Variants in BTK observed in about 807,000 individuals in gnomAD.
BTK encodes tyrosine-protein kinase BTK.
A neutral mutation model predicts 57.4 loss-of-function variants in BTK; 5 were observed. That is an observed-to-expected ratio of 0.09 (90% CI 0.05 to 0.18). The LOEUF (loss-of-function observed/expected upper bound fraction) is 0.18, where lower values mean the gene tolerates loss of function less well. BTK is among the 10% of genes least tolerant of loss of function. The pLI is 1.00. For missense variants in BTK, 194 were observed against 501.2 expected (o/e 0.39, Z 5.85); for synonymous variants, 154 against 174.3 (o/e 0.88, Z 0.92).
intron 17 of BTK, 94 bp from the exon 18 acceptor site, chrX:101,353,445 G>T: frequency 1.1e-6 from 1 of 940,338 alleles, no homozygotes. Context: ...ATTAGAATCA[G>T]TTGGTTCCCC....
Position 101,358,501 on chromosome X carries a change from G to A in BTK, c.975-64C>T. ...AGGTCAACAGAACCCAGGAAGTGAA[G>A]TGAGATGAGTTTTGAGTTTCAGAGA... On this transcript the variant is annotated intron_variant, in intron 11 of 18. Transcript: ENST00000308731. 2.5e-6 allele frequency: 3 copies of A among 1,200,239 alleles called. No individual in the cohort carries two copies. The South Asian group carries it at 5.3e-5, about 21-fold the overall frequency.
At chrX:101,362,719 T>C (rs1406871698) in intron 5 of BTK, 30 bp from the exon 6 acceptor site, 1 of 1,211,040 alleles carries the variant, frequency 8.3e-7, no homozygotes, top group Non-Finnish European at 1.1e-6. Flanking sequence ...AGAGATCACA[T>C]CTGACATGGA....
chrX:101,352,162 CAAA>C (rs35710840), intron 18 of BTK, among the ~76,000 whole-genome samples: 2 of 53,668 alleles, frequency 3.7e-5, no homozygotes, highest in Non-Finnish European at 3.8e-5. Context: ...GACTCGGTCT[CAAA>C]AAAAAAAAAA....
intron 5 of BTK, among the ~76,000 whole-genome samples, chrX:101,366,089 T>C (rs1296930308): frequency 5.4e-5 from 6 of 111,599 alleles, no homozygotes; most frequent in Admixed American, 1.9e-4. Context: ...CTGGCTAACA[T>C]GGTGAAATCC....
chrX:101,381,001 G>C (rs1405056418), intron 1 of BTK, among the ~76,000 whole-genome samples: 2 of 92,788 alleles, frequency 2.2e-5, no homozygotes, highest in Admixed American at 2.4e-4. Context: ...AGTGAAACTC[G>C]GTCGCGAAAA....
intron 14 of BTK, 88 bp downstream of exon 14, chrX:101,356,696 T>A: frequency 9.2e-7 from 1 of 1,091,805 alleles, no homozygotes; most frequent in Non-Finnish European, 1.3e-6. Context: ...TCTCTTACTG[T>A]AAGTCATCTT....
At chrX:101,382,231 A>G (rs3027612) in intron 1 of BTK, among the ~76,000 whole-genome samples, 2,328 of 110,530 alleles carry the variant, frequency 0.021, 51 homozygotes, top group African/African-American at 0.072. Flanking sequence ...CGAAAGCTGC[A>G]TGCTGACCAG....
chrX:101,390,116 T>C (rs782158463), upstream of BTK, among the ~76,000 whole-genome samples: 1 of 112,103 alleles, frequency 8.9e-6, no homozygotes, highest in Non-Finnish European at 1.9e-5. Context: ...CTCAATTTCT[T>C]AATCTGTAAA....
intron 3 of BTK, 182 bp downstream of exon 3, chrX:101,374,354 C>A: frequency 2.1e-6 from 1 of 474,333 alleles, no homozygotes; most frequent in Non-Finnish European, 3.7e-6. Flanking sequence ...GTGAGATGTT[C>A]TGAATATGAA....
upstream of BTK, among the ~76,000 whole-genome samples, chrX:101,386,946 G>A (rs983294794): frequency 9.0e-6 from 1 of 111,116 alleles, no homozygotes; most frequent in African/African-American, 3.3e-5. Flanking sequence ...CCTACATTAT[G>A]CTCCAACTGC....
intron 4 of BTK, 33 bp downstream of exon 4, chrX:101,371,599 GC>G: frequency 8.7e-7 from 1 of 1,152,614 alleles, no homozygotes; most frequent in Non-Finnish European, 1.2e-6. Context: ...TGTTACAGGG[GC>G]CTTTCGAGAT....
chrX:101,378,528 GACACACACAC>G (rs72139259), intron 1 of BTK, among the ~76,000 whole-genome samples: 4 of 95,363 alleles, frequency 4.2e-5, no homozygotes, highest in African/African-American at 1.5e-4. Flanking sequence ...CAAACATACA[GACACACACAC>G]ACACACACAC....
intron 3 of BTK, 48 bp from the exon 4 acceptor site, chrX:101,371,749 T>C: frequency 9.5e-7 from 1 of 1,051,570 alleles, no homozygotes; most frequent in Non-Finnish European, 1.3e-6. Flanking sequence ...CATTGCTCTT[T>C]TCTGAATTTC....
At chrX:101,384,624 T>C (rs1603026685) in intron 1 of BTK, among the ~76,000 whole-genome samples, 1 of 102,626 alleles carries the variant, frequency 9.7e-6, no homozygotes, top group Non-Finnish European at 2.0e-5. Flanking sequence ...AAAAAAAAAA[T>C]TCCAAACAAA....
Position 101,349,809 on chromosome X carries a change from C to T in BTK, c.*76G>A. 1 of 971,451 alleles carries T rather than the reference C, an allele frequency of 1.0e-6. No individual in the cohort carries two copies. The highest frequency in any genetic ancestry group is 2.0e-5 in the South Asian group (1 of 50,890). 80.1% of individuals were successfully genotyped at this position (971,451 alleles called of 1,213,427 possible). On this transcript the variant is annotated 3_prime_UTR_variant, in exon 19 of 19. Coordinates refer to ENST00000308731, the MANE Select transcript of BTK (RefSeq NM_000061.3). ...GCACAAAGGCTCCAGGGCTCCTAAG[C>T]TTGGGATTTCCTCTGAGAAAGTGAA...
chrX:101,382,311 T>TTATATTTATTTATTTATTTATTTA (rs1927468264), intron 1 of BTK, among the ~76,000 whole-genome samples: 2 of 104,470 alleles, frequency 1.9e-5, no homozygotes, highest in African/African-American at 7.3e-5. Flanking sequence ...GCAGTTCATG[T>TTATATTTATTTATTTATTTATTTA]TTTATTTATT....
intron 5 of BTK, among the ~76,000 whole-genome samples, chrX:101,364,648 AC>A (rs782733498): frequency 9.1e-6 from 1 of 109,416 alleles, no homozygotes; most frequent in Non-Finnish European, 1.9e-5. Context: ...CCTCACCCTG[AC>A]TTTTTCAGCA....
intron 8 of BTK, among the ~76,000 whole-genome samples, 191 bp from the exon 9 acceptor site, chrX:101,360,341 CAT>C (rs1926621921): frequency 8.9e-6 from 1 of 112,107 alleles, no homozygotes; most frequent in Non-Finnish European, 1.9e-5. Context: ...AGCTTATGCA[CAT>C]GTTGCATTGG....
At chrX:101,387,124 C>T (rs782533031), upstream of BTK, among the ~76,000 whole-genome samples, 3 of 111,546 alleles carry the variant, frequency 2.7e-5, no homozygotes, top group South Asian at 7.5e-4. Flanking sequence ...ATCACAGGTC[C>T]CACTACAATT....
Sources: gnomAD v4.1 joint callset for allele counts (sites outside exome capture counted in the v4.1 genomes callset) on GRCh38, gnomAD v4.1.1 for gene constraint, MANE v1.5 for transcripts, NCBI Gene and HGNC (gene_info 2026-07-23, HGNC 2026-07-21) for gene names.